AMN1: variants seen among roughly 807,000 people sequenced by gnomAD.
AMN1 encodes the protein antagonist of mitotic exit network 1 homolog.
A neutral mutation model predicts 33.0 loss-of-function variants in AMN1; 20 were observed. The ratio of observed to expected loss-of-function variants is 0.61; its 90% CI spans 0.43 to 0.88. The LOEUF is 0.88. Among genes scored for constraint, AMN1 ranks in the 40% least tolerant of loss-of-function variants. AMN1 has a pLI of 0.00. For missense variants in AMN1, 246 were observed against 307.4 expected (o/e 0.80, Z 1.49); for synonymous variants, 114 against 111.9 (o/e 1.02, Z -0.12).
At chr12:31,677,299 C>A (rs553885397) in intron 6 of AMN1, among the ~76,000 whole-genome samples, 2 of 151,314 alleles carry the variant, frequency 1.3e-5, no homozygotes, top group Non-Finnish European at 2.9e-5. Flanking sequence ...GACTCCGTCT[C>A]AAAAAAAAGA....
intron 1 of AMN1, among the ~76,000 whole-genome samples, chr12:31,719,741 C>G (rs1390132141): frequency 6.6e-6 from 1 of 152,106 alleles, no homozygotes; most frequent in African/African-American, 2.4e-5. Flanking sequence ...TCTAGCAATT[C>G]CAGTTGGAGG....
intron 1 of AMN1, among the ~76,000 whole-genome samples, chr12:31,710,686 C>T (rs1299076886): frequency 6.6e-6 from 1 of 151,978 alleles, no homozygotes; most frequent in Non-Finnish European, 1.5e-5. Context: ...TTATGAAATC[C>T]CTTCAAGGCA....
In AMN1 at chr12:31,697,278, T is replaced by TG; in HGVS notation, c.591+82dup. On this transcript the variant is annotated intron_variant, in intron 5 of 6. Coordinates refer to ENST00000281471, the MANE Select transcript of AMN1 (RefSeq NM_001113402.2). ...CTAAAATACGTAATTGATAAAGCAT[T>TG]GGTTATCCGCTAGGTTTTAAACATA... 2.5e-6 allele frequency: 3 copies of TG among 1,203,484 alleles called. 1 individual carries two copies. In the Middle Eastern group the frequency reaches 5.9e-4, roughly 238 times the overall value. The allele number at this position is 1,203,484 out of a possible 1,614,324, so 74.6% of individuals were successfully genotyped here. A position where few individuals can be genotyped will look rare whatever the true frequency, so the allele number is the denominator to read the frequency against.
At position 31,683,984 on chromosome 12, in the gene AMN1, TCCAGGAC is replaced by T. The variant is rs2139663681; in HGVS notation, c.703+5016_703+5022del. Among the ~76,000 whole-genome samples the T allele has an allele frequency of 6.6e-6, 1 of 152,342 alleles. No individual in the cohort carries two copies. Among genetic ancestry groups the T allele is most frequent in the African/African-American group, 2.4e-5 (1 of 41,572 alleles). ...GCTGCCACTGTGATCTTGAAAGCTA[TCCAGGAC>T]CTTTCTAATGACATCAGTTATTATG... On this transcript the variant is annotated intron_variant, in intron 6 of 6. Transcript: ENST00000281471. The surrounding 1 kb of genome is among the most constrained non-coding windows in gnomAD (Gnocchi z 4.1).
At chr12:31,695,945 T>A (rs1233230525) in intron 5 of AMN1, among the ~76,000 whole-genome samples, 1 of 152,028 alleles carries the variant, frequency 6.6e-6, no homozygotes, top group Non-Finnish European at 1.5e-5. Flanking sequence ...GTTGGCTTTT[T>A]AAAAAATGTA....
rs78935275 is a variant in AMN1, at chr12:31,703,589, G to A, written c.172-1582C>T. Among the ~76,000 whole-genome samples, 1,279 of 152,160 alleles carry A rather than the reference G, an allele frequency of 8.4e-3. 18 individuals are homozygous for A. Among genetic ancestry groups the A allele is most frequent in the African/African-American group, 0.029 (1,201 of 41,520 alleles). ...GTCTGCATTTATTCATTAGGATAAC[G>A]GCCTCCAGCTGCATCCATGTTGCTG... is the stretch of plus-strand genomic sequence containing the variant. On this transcript the variant is annotated intron_variant, in intron 2 of 6. Coordinates refer to ENST00000281471, the MANE Select transcript of AMN1 (RefSeq NM_001113402.2).
intron 1 of AMN1, among the ~76,000 whole-genome samples, chr12:31,712,611 T>G (rs986401788): frequency 2.6e-5 from 4 of 152,170 alleles, no homozygotes; most frequent in African/African-American, 9.7e-5. Flanking sequence ...CACATTTTCT[T>G]TATTCATTCA....
intron 6 of AMN1, among the ~76,000 whole-genome samples, chr12:31,688,047 C>T (rs1326796576): frequency 2.0e-5 from 3 of 152,172 alleles, no homozygotes; most frequent in African/African-American, 4.8e-5. Context: ...CTCCACCTCC[C>T]GAGTTCAAGT....
chr12:31,681,480 C>T (rs182980239), intron 6 of AMN1, among the ~76,000 whole-genome samples: 92 of 152,204 alleles, frequency 6.0e-4, no homozygotes, highest in African/African-American at 2.0e-3. Context: ...CCACCTGCCT[C>T]GGCCTCCCAA....
intron 6 of AMN1, among the ~76,000 whole-genome samples, chr12:31,682,467 G>A (rs1398196406): frequency 6.9e-6 from 1 of 145,438 alleles, no homozygotes; most frequent in Non-Finnish European, 1.5e-5. Flanking sequence ...GGACTAGAGA[G>A]AGGGTGTATG....
chr12:31,721,660 G>A (rs1165897709), intron 1 of AMN1, among the ~76,000 whole-genome samples: 3 of 152,286 alleles, frequency 2.0e-5, no homozygotes, highest in South Asian at 4.2e-4. Flanking sequence ...CAAACAACAC[G>A]TCCTTGGTCA....
intron 3 of AMN1, 29 bp from the exon 4 acceptor site, chr12:31,697,986 G>C: frequency 6.3e-7 from 1 of 1,597,812 alleles, no homozygotes; most frequent in Non-Finnish European, 8.6e-7. Context: ...ATATATCAAT[G>C]AGCTATATGT....
intron 1 of AMN1, among the ~76,000 whole-genome samples, chr12:31,724,707 TCA>T (rs1277565276): frequency 6.6e-6 from 1 of 152,228 alleles, no homozygotes; most frequent in Non-Finnish European, 1.5e-5. Context: ...CCTTTTTCTC[TCA>T]GTCTCTTTCA....
intron 5 of AMN1, 45 bp downstream of exon 5, chr12:31,697,316 A>T: frequency 6.6e-7 from 1 of 1,525,716 alleles, no homozygotes. Context: ...TTCTAAGAAT[A>T]TAAAAATTTA....
At chr12:31,697,275 C>T in intron 5 of AMN1, 86 bp downstream of exon 5, 1 of 1,151,850 alleles carries the variant, frequency 8.7e-7, no homozygotes, top group Non-Finnish European at 1.3e-6. Context: ...ATTGATAAAG[C>T]ATTGGTTATC....
At chr12:31,705,846 C>G (rs942914103) in intron 2 of AMN1, among the ~76,000 whole-genome samples, 2 of 152,130 alleles carry the variant, frequency 1.3e-5, no homozygotes, top group Admixed American at 6.6e-5. Flanking sequence ...CATCAAACAC[C>G]TCGGCTGACA....
At chr12:31,678,844 G>A (rs1388873093) in intron 6 of AMN1, among the ~76,000 whole-genome samples, 2 of 152,096 alleles carry the variant, frequency 1.3e-5, no homozygotes, top group Non-Finnish European at 2.9e-5. Context: ...TCATTACAGT[G>A]ATCTGGCAAA....
chr12:31,723,147 G>C (rs571996773), intron 1 of AMN1, among the ~76,000 whole-genome samples: 1 of 152,160 alleles, frequency 6.6e-6, no homozygotes, highest in Non-Finnish European at 1.5e-5. Flanking sequence ...AACAGAGTGA[G>C]ACCTCGTCTC....
chr12:31,675,643 C>T (rs973728416), intron 6 of AMN1, among the ~76,000 whole-genome samples: 4 of 151,344 alleles, frequency 2.6e-5, no homozygotes, highest in African/African-American at 9.8e-5. Context: ...TACAGGCGCC[C>T]GCAACCACGC....
Sources: gnomAD v4.1 joint callset for allele counts (sites outside exome capture counted in the v4.1 genomes callset) on GRCh38, gnomAD v4.1.1 for gene constraint, Gnocchi (gnomAD v3.1) non-coding constraint, MANE v1.5 for transcripts, NCBI Gene and HGNC (gene_info 2026-07-23, HGNC 2026-07-21) for gene names.